Variants in BIRC6 observed in about 807,000 individuals in gnomAD.
BIRC6 encodes baculoviral IAP repeat containing 6, also known as dual E2 ubiquitin-conjugating enzyme/E3 ubiquitin-protein ligase BIRC6.
In BIRC6, 98 loss-of-function variants were observed where a neutral mutation model predicts 503.3. The observed-to-expected ratio is 0.19, with a 90% CI of 0.17 to 0.23. The LOEUF (loss-of-function observed/expected upper bound fraction) is 0.23, where lower values mean the gene tolerates loss of function less well. Among genes scored for constraint, BIRC6 ranks in the 10% least tolerant of loss-of-function variants. The pLI is 1.00. For missense variants in BIRC6, 5,360 were observed against 5,806.0 expected, an observed-to-expected ratio of 0.92 and a Z score of 2.50; for synonymous variants, 2,240 against 2,078.7, an observed-to-expected ratio of 1.08 and a Z score of -2.11.
chr2:32,525,429 G>C, intron 58 of BIRC6, 35 bp from the exon 59 acceptor site: 3 of 1,610,574 alleles, frequency 1.9e-6, no homozygotes, highest in Admixed American at 3.3e-5. Context: ...TTAGTGTGTT[G>C]ACTATGTAGA....
chr2:32,489,865 C>A (rs1319731830), intron 42 of BIRC6, among the ~76,000 whole-genome samples, 176 bp from the exon 43 acceptor site: 1 of 152,122 alleles, frequency 6.6e-6, no homozygotes, highest in Non-Finnish European at 1.5e-5. Flanking sequence ...GTTACTGATT[C>A]TTAATGCGTT....
chr2:32,559,898 C>A (rs1408615168), intron 65 of BIRC6, among the ~76,000 whole-genome samples: 2 of 151,084 alleles, frequency 1.3e-5, no homozygotes, highest in Non-Finnish European at 3.0e-5. Context: ...TGCCTGTTAT[C>A]CCAGCTGCTT....
intron 45 of BIRC6, among the ~76,000 whole-genome samples, chr2:32,497,301 A>G (rs2052592804): frequency 6.6e-6 from 1 of 152,214 alleles, no homozygotes; most frequent in Non-Finnish European, 1.5e-5. Flanking sequence ...ATGCCACTAC[A>G]CCAAGTTTGA....
chr2:32,448,707 A>T, intron 21 of BIRC6, 88 bp from the exon 22 acceptor site: 2 of 1,220,572 alleles, frequency 1.6e-6, no homozygotes, highest in Non-Finnish European at 2.3e-6. Context: ...CTGCGCTGTT[A>T]GTCAGACTGC....
intron 23 of BIRC6, among the ~76,000 whole-genome samples, chr2:32,459,720 T>C (rs1053798054): frequency 1.2e-4 from 19 of 152,130 alleles, no homozygotes; most frequent in African/African-American, 3.6e-4. Context: ...ATATATTCTA[T>C]AATATATTTA....
At chr2:32,551,619 C>T (rs1223962015) in intron 65 of BIRC6, among the ~76,000 whole-genome samples, 1 of 152,148 alleles carries the variant, frequency 6.6e-6, no homozygotes, top group Non-Finnish European at 1.5e-5. Context: ...ATTATCTAGC[C>T]AGAGTCTTCC....
At chr2:32,387,390 G>T (rs1422476322) in intron 3 of BIRC6, among the ~76,000 whole-genome samples, 2 of 150,254 alleles carry the variant, frequency 1.3e-5, no homozygotes, top group African/African-American at 4.9e-5. Flanking sequence ...AATTTACTAG[G>T]CTGCCTTGAG....
Position 32,508,054 on chromosome 2 carries a change from A to G in BIRC6, c.9775A>G (p.Thr3259Ala), listed in dbSNP as rs776635599. The change falls in exon 51 of 74, where the codon ACA (threonine) becomes GCA (alanine). Residue 3259 changes from threonine (T) to alanine (A), a missense_variant. By Grantham distance (58) the Thr-to-Ala change is moderately conservative. Coordinates refer to ENST00000421745, the MANE Select transcript of BIRC6 (RefSeq NM_016252.4). ...NMLPLSTPVV[T>A]SGLTYIKIQL... is the part of the protein sequence containing the mutation. ...GCTACCTTTGTCCACTCCTGTTGTC[A>G]CAAGTGGCCTCACCTACATAAAAAT... 1 of 1,613,788 alleles carries G rather than the reference A, an allele frequency of 6.2e-7. No homozygotes were observed. Among genetic ancestry groups the G allele is most frequent in the Non-Finnish European group, 8.5e-7 (1 of 1,179,886 alleles).
In BIRC6 at chr2:32,515,753, C is replaced by A. The variant is rs1051328851; in HGVS notation, c.11332C>A (p.Gln3778Lys). Residue 3778 changes from glutamine (Q) to lysine (K), a missense_variant, in exon 55 of 74, where the codon CAA becomes AAA. Gln to Lys is a moderately conservative substitution (Grantham distance 53). Coordinates refer to ENST00000421745, the MANE Select transcript of BIRC6 (RefSeq NM_016252.4). ...GTGCATTTCATGCCATCCTAATAAT[C>A]AAAAGCTGATGGCACAGGTAAGACA... ...LQCISCHPNNQKLMAQVLCEL... is the reference protein window; with the variant it reads ...LQCISCHPNNKKLMAQVLCEL... 2 of 1,598,028 alleles carry A rather than the reference C, an allele frequency of 1.3e-6. No homozygotes were observed. Among genetic ancestry groups the A allele is most frequent in the Non-Finnish European group, 1.7e-6 (2 of 1,178,692 alleles).
intron 15 of BIRC6, among the ~76,000 whole-genome samples, chr2:32,437,366 C>A (rs962119486): frequency 6.6e-6 from 1 of 151,996 alleles, no homozygotes; most frequent in African/African-American, 2.4e-5. Flanking sequence ...ATAAAAAAAA[C>A]CAACACAAAA....
intron 66 of BIRC6, among the ~76,000 whole-genome samples, chr2:32,581,223 G>A (rs2060653473): frequency 6.6e-6 from 1 of 152,156 alleles, no homozygotes; most frequent in African/African-American, 2.4e-5. Flanking sequence ...TTTGCTTAAA[G>A]CTGTCACCCA....
Position 32,476,128 on chromosome 2 carries a change from T to C in BIRC6, c.6721-85T>C. 4 of 1,000,956 alleles carry C rather than the reference T, an allele frequency of 4.0e-6. No homozygotes were observed. In the South Asian group the frequency reaches 7.3e-5, roughly 18 times the overall value. The allele number at this position is 1,000,956 out of a possible 1,614,324, so 62.0% of individuals were successfully genotyped here. ...TCAAGATAATGTGCATTCCATTAGT[T>C]TGATGTATGAATTCTGTGAGGAGTA... On this transcript the variant is annotated intron_variant, in intron 33 of 73. Transcript: ENST00000421745.
intron 10 of BIRC6, among the ~76,000 whole-genome samples, chr2:32,417,764 G>A (rs1232648978): frequency 2.0e-5 from 3 of 152,064 alleles, no homozygotes; most frequent in Non-Finnish European, 4.4e-5. Context: ...ACTATATGTA[G>A]TGAAATTATT....
At chr2:32,548,209 C>G (rs1250563899) in intron 64 of BIRC6, among the ~76,000 whole-genome samples, 195 bp downstream of exon 64, 1 of 152,000 alleles carries the variant, frequency 6.6e-6, no homozygotes, top group Non-Finnish European at 1.5e-5. Flanking sequence ...TCTTCCCTCT[C>G]AACTAGCTTC....
At chr2:32,511,732 G>T (rs1302712850) in intron 53 of BIRC6, among the ~76,000 whole-genome samples, 3 of 151,842 alleles carry the variant, frequency 2.0e-5, no homozygotes, top group South Asian at 2.1e-4. Flanking sequence ...AAAACAGAGA[G>T]ATTTCTTCCT....
intron 59 of BIRC6, chr2:32,527,479 A>AC (rs1172865265): frequency 2.6e-5 from 4 of 152,264 alleles, no homozygotes; most frequent in Non-Finnish European, 5.9e-5. Flanking sequence ...GCAGCAGTGA[A>AC]CAGAGGCATG....
chr2:32,538,085 G>A (rs530215100), intron 61 of BIRC6, among the ~76,000 whole-genome samples: 21 of 152,228 alleles, frequency 1.4e-4, no homozygotes, highest in South Asian at 1.0e-3. Flanking sequence ...TAATATTAGC[G>A]TCTATACTGC....
intron 69 of BIRC6, among the ~76,000 whole-genome samples, chr2:32,599,126 C>A (rs1023109954): frequency 6.7e-6 from 1 of 148,594 alleles, no homozygotes; most frequent in African/African-American, 2.5e-5. Context: ...ATCAGGAGTT[C>A]AAGAACAGCC....
intron 61 of BIRC6, among the ~76,000 whole-genome samples, chr2:32,531,899 A>G (rs1377495281): frequency 6.6e-6 from 1 of 152,210 alleles, no homozygotes; most frequent in African/African-American, 2.4e-5. Flanking sequence ...AGCAGTGTAT[A>G]CTGCCACCAA....
Sources: allele counts gnomAD v4.1 joint callset (sites outside exome capture counted in the v4.1 genomes callset), GRCh38; gene constraint gnomAD v4.1.1; transcripts MANE v1.5; gene names NCBI Gene and HGNC (gene_info 2026-07-23, HGNC 2026-07-21).